ENTREP2: variants seen among roughly 807,000 people sequenced by gnomAD.
ENTREP2 encodes the protein endosomal transmembrane epsin interactor 2.
the ENTREP2 span, among the ~76,000 whole-genome samples, chr15:29,629,109 A>AT: frequency 6.6e-6 from 1 of 152,058 alleles, no homozygotes; most frequent in Non-Finnish European, 1.5e-5. Flanking sequence ...GAAGTCTACT[A>AT]TATCTGTTAT....
chr15:29,429,393 A>T, the ENTREP2 span, among the ~76,000 whole-genome samples: 1 of 152,142 alleles, frequency 6.6e-6, no homozygotes, highest in African/African-American at 2.4e-5. Flanking sequence ...GGGTAATTTT[A>T]AAAATTTTGT....
At chr15:29,195,531 A>AT in the ENTREP2 span, among the ~76,000 whole-genome samples, 2 of 151,688 alleles carry the variant, frequency 1.3e-5, no homozygotes, top group Non-Finnish European at 1.5e-5. Flanking sequence ...TTATTTATCC[A>AT]TTTTTTTCTT....
At chr15:29,659,286 C>T in the ENTREP2 span, among the ~76,000 whole-genome samples, 5 of 152,018 alleles carry the variant, frequency 3.3e-5, 1 homozygote, top group South Asian at 4.1e-4. Context: ...CTGGCTAACA[C>T]GGTGAAACCC....
At chr15:29,531,729 A>C in the ENTREP2 span, among the ~76,000 whole-genome samples, 6 of 152,194 alleles carry the variant, frequency 3.9e-5, no homozygotes. Context: ...GCAGTGGCGC[A>C]ATCTCGGCTC....
the ENTREP2 span, among the ~76,000 whole-genome samples, chr15:29,398,194 CAAAAACTCAT>C: frequency 6.7e-6 from 1 of 148,924 alleles, no homozygotes; most frequent in South Asian, 2.2e-4. Context: ...ATTTAAATGC[CAAAAACTCAT>C]AGGACAGTGC....
At chr15:29,660,005 T>C in the ENTREP2 span, among the ~76,000 whole-genome samples, 1 of 152,138 alleles carries the variant, frequency 6.6e-6, no homozygotes, top group African/African-American at 2.4e-5. Flanking sequence ...TTTCACCATG[T>C]TGCCCAGGCT....
the ENTREP2 span, chr15:29,195,285 CCTCT>C: frequency 1.6e-5 from 16 of 984,998 alleles, no homozygotes; most frequent in Admixed American, 6.2e-5. Context: ...TGAGCCGCAT[CCTCT>C]CTCTCTGTAC....
the ENTREP2 span, among the ~76,000 whole-genome samples, chr15:29,332,986 T>C: frequency 1.3e-3 from 193 of 150,408 alleles, 1 homozygote; most frequent in Non-Finnish European, 2.1e-3. Flanking sequence ...AAACCCTTTA[T>C]ACTCGGACTT....
the ENTREP2 span, among the ~76,000 whole-genome samples, chr15:29,619,643 G>A: frequency 6.6e-6 from 1 of 152,168 alleles, no homozygotes; most frequent in Non-Finnish European, 1.5e-5. Context: ...TCTCATTGCA[G>A]TAGTGGACAA....
At chr15:29,378,466 T>C in the ENTREP2 span, among the ~76,000 whole-genome samples, 1 of 152,246 alleles carries the variant, frequency 6.6e-6, no homozygotes, top group South Asian at 2.1e-4. Flanking sequence ...TGTGAAAGTA[T>C]TTTTGTAGAT....
At chr15:29,156,297 G>A in the ENTREP2 span, among the ~76,000 whole-genome samples, 2 of 152,044 alleles carry the variant, frequency 1.3e-5, no homozygotes, top group Admixed American at 6.6e-5. Flanking sequence ...CGATTCTCCT[G>A]CCTCAGCCTC....
chr15:29,518,573 A>G, the ENTREP2 span, among the ~76,000 whole-genome samples: 6 of 152,170 alleles, frequency 3.9e-5, no homozygotes, highest in Admixed American at 3.9e-4. Context: ...CTGGACCCGC[A>G]ACCCAGAGGA....
chr15:29,474,486 A>C, the ENTREP2 span, among the ~76,000 whole-genome samples: 1 of 152,056 alleles, frequency 6.6e-6, no homozygotes, highest in African/African-American at 2.4e-5. Context: ...CTGACAATCT[A>C]TATGTCCTGG....
At chr15:29,583,323 G>C in the ENTREP2 span, among the ~76,000 whole-genome samples, 1 of 152,298 alleles carries the variant, frequency 6.6e-6, no homozygotes, top group East Asian at 1.9e-4. Context: ...AAAGGAACAA[G>C]ATCATGTTCT....
the ENTREP2 span, chr15:29,118,084 C>G: frequency 2.0e-5 from 3 of 147,332 alleles, no homozygotes; most frequent in African/African-American, 7.6e-5. Context: ...TAGATCAAGT[C>G]GGATCTAGTC....
chr15:29,231,605 A>G, the ENTREP2 span, among the ~76,000 whole-genome samples: 2 of 152,164 alleles, frequency 1.3e-5, no homozygotes, highest in South Asian at 2.1e-4. Flanking sequence ...TATCCTTAGG[A>G]AAAAATTCCC....
the ENTREP2 span, among the ~76,000 whole-genome samples, chr15:29,333,044 T>C: frequency 2.0e-5 from 3 of 151,158 alleles, no homozygotes; most frequent in African/African-American, 7.3e-5. Context: ...CACATGGGGC[T>C]AGATAGGGGT....
chr15:29,606,134 T>A, the ENTREP2 span, among the ~76,000 whole-genome samples: 1 of 152,194 alleles, frequency 6.6e-6, no homozygotes, highest in Non-Finnish European at 1.5e-5. Context: ...TCTCTTTTAA[T>A]CTATATGGTT....
chr15:29,406,640 C>T, the ENTREP2 span, among the ~76,000 whole-genome samples: 1 of 152,150 alleles, frequency 6.6e-6, no homozygotes, highest in Non-Finnish European at 1.5e-5. Context: ...CATTCTTACA[C>T]AATCTGAAGT....
Sources: gnomAD v4.1 joint callset for allele counts (sites outside exome capture counted in the v4.1 genomes callset) on GRCh38, gnomAD v4.1.1 for gene constraint, MANE v1.5 for transcripts, NCBI Gene and HGNC (gene_info 2026-07-23, HGNC 2026-07-21) for gene names.